Variants in OR6Y1 observed in about 807,000 individuals in gnomAD.
OR6Y1 encodes the protein olfactory receptor 6Y1.
OR6Y1 carries 1 observed loss-of-function variant against 0.4 expected under a neutral mutation model. The ratio of observed to expected loss-of-function variants is 2.74; its 90% CI spans 0.97 to 13.02. The LOEUF (loss-of-function observed/expected upper bound fraction) is 13.02. OR6Y1 is among the 30% of genes most tolerant of loss of function. The probability of loss-of-function intolerance (pLI) is 0.12; values close to 1 mark genes in which losing one functional copy is unlikely to be tolerated. For synonymous variants in OR6Y1, 173 were observed against 141.1 expected, an observed-to-expected ratio of 1.23 and a Z score of -1.60; for missense variants, 480 against 399.8, an observed-to-expected ratio of 1.20 and a Z score of -1.71.
At chr1:158,550,770 G>A (rs1310805536) in intron 1 of OR6Y1, among the ~76,000 whole-genome samples, 1 of 151,752 alleles carries the variant, frequency 6.6e-6, no homozygotes, top group Non-Finnish European at 1.5e-5. Flanking sequence ...GGCTTGTGAG[G>A]AAGAGAGCAA....
In OR6Y1 at chr1:158,546,133, A is replaced by T. The variant is rs898907619; in HGVS notation, c.*995T>A. ...TTTCCTCTGTGTGTGTCTGTGTCCA[A>T]ATTTTTCCTTTTTATAATGACACCA... On this transcript the variant is annotated 3_prime_UTR_variant, in exon 2 of 2. Coordinates refer to ENST00000641622, the MANE Select transcript of OR6Y1 (RefSeq NM_001005189.2). The T allele has an allele frequency of 6.6e-6, 1 of 151,990 alleles. No homozygotes were observed. The highest frequency in any genetic ancestry group is 1.5e-5 in the Non-Finnish European group (1 of 68,046). 9.4% of individuals were successfully genotyped at this position (151,990 alleles called of 1,614,324 possible).
In OR6Y1 at chr1:158,547,675, T is replaced by A. The variant is rs1647585334; in HGVS notation, c.431A>T (p.Gln144Leu). ...PLRYPVIMTN[Q>L]LCGTLAGGCW... ...TCCTCCAGCCAGTGTGCCACAGAGC[T>A]GGTTGGTCATGATGACTGGGTAGCG... is the stretch of plus-strand genomic sequence containing the variant. The change falls in exon 2 of 2, where the codon CAG (glutamine) becomes CTG (leucine). Residue 144 changes from glutamine (Q) to leucine (L), a missense_variant. Transcript: ENST00000641622. 2 of 1,613,356 alleles carry A rather than the reference T, an allele frequency of 1.2e-6. No homozygotes were observed. The highest frequency in any genetic ancestry group is 1.7e-6 in the Non-Finnish European group (2 of 1,180,014).
chr1:158,547,958 TAAG>T lies in OR6Y1; in HGVS notation c.145_147del (p.Leu49del). The T allele has an allele frequency of 6.2e-7, 1 of 1,613,386 alleles. No homozygotes were observed. Among genetic ancestry groups the T allele is most frequent in the Admixed American group, 1.7e-5 (1 of 59,950 alleles). On this transcript the variant is annotated inframe_deletion, in exon 2 of 2. Transcript: ENST00000641622. ...CCATCACTGTGGATAGCTAAGATGA[TAAG>T]AAGATTCTCCAGCAGTGTCAGCAGA...
intron 1 of OR6Y1, among the ~76,000 whole-genome samples, chr1:158,549,829 A>T (rs889929574): frequency 1.8e-5 from 2 of 111,872 alleles, no homozygotes; most frequent in African/African-American, 3.7e-5. Context: ...ATCCTGATTT[A>T]AAAAAATATC....
rs1258240971 is a variant in OR6Y1, at chr1:158,546,371, G to C, written c.*757C>G. On this transcript the variant is annotated 3_prime_UTR_variant, in exon 2 of 2. Coordinates refer to ENST00000641622, the MANE Select transcript of OR6Y1 (RefSeq NM_001005189.2). The stretch of plus-strand genomic sequence containing the variant: ...TACTTAACTTGTTTTTCCATTGAGA[G>C]TTTAATTTTTATAAGTTTATTTTAA... 6.6e-6 allele frequency: 1 copy of C among 151,988 alleles called. No homozygotes were observed. Among genetic ancestry groups the C allele is most frequent in the Non-Finnish European group, 1.5e-5 (1 of 67,982 alleles). 9.4% of individuals were successfully genotyped at this position (151,988 alleles called of 1,614,324 possible).
rs1311762936 is a variant in OR6Y1, at chr1:158,548,284, T to A, written c.-179A>T. 1.7e-6 allele frequency: 1 copy of A among 593,902 alleles called. No individual in the cohort carries two copies. The highest frequency in any genetic ancestry group is 2.8e-5 in the East Asian group (1 of 35,186). The allele number at this position is 593,902 out of a possible 1,614,324, so 36.8% of individuals were successfully genotyped here. ...CAAAGCTTTTGAGAAAAGATGGAAT[T>A]TAGGGAGCTTATATTTTAACTTGTT... is the stretch of plus-strand genomic sequence containing the variant. On this transcript the variant is annotated 5_prime_UTR_variant, in exon 2 of 2. Transcript: ENST00000641622.
At position 158,548,102 on chromosome 1, in the gene OR6Y1, T is replaced by A. The variant is rs1647604843; in HGVS notation, c.4A>T (p.Thr2Ser). M[T>S]TIILEVDNHT... Reference sequence around the variant, plus strand: ...TTATCTACTTCCAGAATTATGGTGGTCATGACTGGCTGTGGGCACAGACAA... The same window carrying A: ...TTATCTACTTCCAGAATTATGGTGGACATGACTGGCTGTGGGCACAGACAA... The change falls in exon 2 of 2, where the codon ACC (threonine) becomes TCC (serine). Residue 2 changes from threonine (T) to serine (S), a missense_variant. Coordinates refer to ENST00000641622, the MANE Select transcript of OR6Y1 (RefSeq NM_001005189.2). 1.2e-6 allele frequency: 2 copies of A among 1,610,548 alleles called. No homozygotes were observed. The highest frequency in any genetic ancestry group is 2.2e-5 in the South Asian group (2 of 90,784).
Position 158,547,679 on chromosome 1 carries a change from T to A in OR6Y1, c.427A>T (p.Asn143Tyr). 1 of 1,613,542 alleles carries A rather than the reference T, an allele frequency of 6.2e-7. No homozygotes were observed. The highest frequency in any genetic ancestry group is 1.1e-5 in the South Asian group (1 of 91,080). ...CCAGCCAGTGTGCCACAGAGCTGGT[T>A]GGTCATGATGACTGGGTAGCGTAGT... ...NPLRYPVIMTNQLCGTLAGGC... is the reference protein window; with the variant it reads ...NPLRYPVIMTYQLCGTLAGGC... Residue 143 changes from asparagine (N) to tyrosine (Y), a missense_variant, in exon 2 of 2, where the codon AAC becomes TAC. Physicochemically the swap from Asn to Tyr is moderately radical, Grantham distance 143 (BLOSUM62 -2). Transcript: ENST00000641622.
Position 158,547,958 on chromosome 1 carries a change from T to C in OR6Y1, c.148A>G (p.Ile50Val). The C allele has an allele frequency of 6.2e-7, 1 of 1,613,386 alleles. No homozygotes were observed. Among genetic ancestry groups the C allele is most frequent in the Non-Finnish European group, 8.5e-7 (1 of 1,179,954 alleles). The stretch of plus-strand genomic sequence containing the variant: ...CCATCACTGTGGATAGCTAAGATGA[T>C]AAGAAGATTCTCCAGCAGTGTCAGC... ...YLLTLLENLL[I>V]ILAIHSDGQL... is the part of the protein sequence containing the mutation. The change falls in exon 2 of 2, where the codon ATC (isoleucine) becomes GTC (valine). Residue 50 changes from isoleucine (I) to valine (V), a missense_variant. Physicochemically the swap from Ile to Val is conservative, Grantham distance 29. Transcript: ENST00000641622.
rs189608824 is a variant in OR6Y1, at chr1:158,549,714, C to T, written c.-1432-177G>A. On this transcript the variant is annotated intron_variant, in intron 1 of 1. Coordinates refer to ENST00000641622, the MANE Select transcript of OR6Y1 (RefSeq NM_001005189.2). ...CAAACACAAACACACACACAGTCAACACAAAACTTGTCCTTGCTCATTGCA... is the reference window on the plus strand; with the variant it reads ...CAAACACAAACACACACACAGTCAATACAAAACTTGTCCTTGCTCATTGCA... Among the ~76,000 whole-genome samples, 163 of 151,854 alleles carry T rather than the reference C, an allele frequency of 1.1e-3. 2 individuals are homozygous for T. The highest frequency in any genetic ancestry group is 3.8e-3 in the African/African-American group (157 of 41,172).
At position 158,547,310 on chromosome 1, in the gene OR6Y1, G is replaced by A. The variant is rs369288089; in HGVS notation, c.796C>T (p.Arg266Cys). 127 of 1,613,450 alleles carry A rather than the reference G, an allele frequency of 7.9e-5. No individual in the cohort carries two copies. The highest frequency in any genetic ancestry group is 9.2e-5 in the Non-Finnish European group (109 of 1,179,916). Residue 266 changes from arginine (R) to cysteine (C), a missense_variant, in exon 2 of 2, where the codon CGT becomes TGT. Physicochemically the swap from Arg to Cys is radical, Grantham distance 180 (BLOSUM62 -3). Transcript: ENST00000641622. ...TTGTAGGCATACATGAGTTTGGGACGGGCATAGGTGAAAAGTGTCATGGAA... is the reference window on the plus strand; with the variant it reads ...TTGTAGGCATACATGAGTTTGGGACAGGCATAGGTGAAAAGTGTCATGGAA... ...FYSMTLFTYARPKLMYAYNSN... is the reference protein window; with the variant it reads ...FYSMTLFTYACPKLMYAYNSN...
Position 158,547,298 on chromosome 1 carries a change from T to A in OR6Y1, c.808A>T (p.Met270Leu), listed in dbSNP as rs773477939. Residue 270 changes from methionine (M) to leucine (L), a missense_variant, in exon 2 of 2, where the codon ATG becomes TTG. Coordinates refer to ENST00000641622, the MANE Select transcript of OR6Y1 (RefSeq NM_001005189.2). ...TLFTYARPKL[M>L]YAYNSNKVVS... Reference sequence around the variant, plus strand: ...ACTTTGTTGGAATTGTAGGCATACATGAGTTTGGGACGGGCATAGGTGAAA... The same window carrying A: ...ACTTTGTTGGAATTGTAGGCATACAAGAGTTTGGGACGGGCATAGGTGAAA... The A allele has an allele frequency of 6.2e-7, 1 of 1,613,478 alleles. No individual in the cohort carries two copies. The highest frequency in any genetic ancestry group is 1.1e-5 in the South Asian group (1 of 91,074).
rs1212150309 is a variant in OR6Y1, at chr1:158,549,491, C to T, written c.-1386G>A. On this transcript the variant is annotated 5_prime_UTR_variant, in exon 2 of 2. Transcript: ENST00000641622. ...GGTTGCAGAGCCAGAAAACTACTGC[C>T]CATACTATCCATTTCCTCTTCCCAC... 6.6e-6 allele frequency: 1 copy of T among 151,112 alleles called. No homozygotes were observed. Among genetic ancestry groups the T allele is most frequent in the Non-Finnish European group, 1.5e-5 (1 of 67,962 alleles). The allele number at this position is 151,112 out of a possible 1,614,324, so 9.4% of individuals were successfully genotyped here.
rs867878597 is a variant in OR6Y1 at position 158,547,238 on chromosome 1, G to A, written c.868C>T (p.Leu290Phe). 6.2e-7 allele frequency: 1 copy of A among 1,613,692 alleles called. No individual in the cohort carries two copies. Among genetic ancestry groups the A allele is most frequent in the Non-Finnish European group, 8.5e-7 (1 of 1,179,984 alleles). Residue 290 changes from leucine (L) to phenylalanine (F), a missense_variant, in exon 2 of 2, where the codon CTC (leucine) becomes TTC (phenylalanine). Physicochemically the swap from Leu to Phe is conservative, Grantham distance 22. Transcript: ENST00000641622. ...SVLYTVIVPLLNPIIYCLRNH... is the reference protein window; with the variant it reads ...SVLYTVIVPLFNPIIYCLRNH... ...CTCAGACAGTAAATGATGGGGTTGA[G>A]GAGTGGAACAATGACAGTGTAGAGA...
Position 158,547,818 on chromosome 1 carries a change from A to G in OR6Y1, c.288T>C (p.Ser96=), listed in dbSNP as rs1395413328. ...MLVDFLSHDK[S]ISFNGCMTQL... is the part of the protein sequence containing the mutation. Reference sequence around the variant, plus strand: ...GAGTCATGCAGCCATTGAAGGAAATACTCTTGTCATGACTGAGGAAGTCAA... The same window carrying G: ...GAGTCATGCAGCCATTGAAGGAAATGCTCTTGTCATGACTGAGGAAGTCAA... Residue 96 remains serine (S), a synonymous_variant, in exon 2 of 2, where the codon AGT becomes AGC. Transcript: ENST00000641622. 1 of 1,613,228 alleles carries G rather than the reference A, an allele frequency of 6.2e-7. No homozygotes were observed. The highest frequency in any genetic ancestry group is 8.5e-7 in the Non-Finnish European group (1 of 1,179,962).
Position 158,548,371 on chromosome 1 carries a change from C to A in OR6Y1, c.-266G>T, listed in dbSNP as rs1647612034. 5.6e-6 allele frequency: 2 copies of A among 357,860 alleles called. No individual in the cohort carries two copies. Among genetic ancestry groups the A allele is most frequent in the South Asian group, 4.6e-5 (1 of 21,600 alleles). 22.2% of individuals were successfully genotyped at this position (357,860 alleles called of 1,614,324 possible). A position where few individuals can be genotyped will look rare whatever the true frequency, so the allele number is the denominator to read the frequency against. ...CATACAAAATAGAGTTTATAACTTT[C>A]TAAATCCCAGTTCTGTGCTTTACCA... is the stretch of plus-strand genomic sequence containing the variant. On this transcript the variant is annotated 5_prime_UTR_variant, in exon 2 of 2. Coordinates refer to ENST00000641622, the MANE Select transcript of OR6Y1 (RefSeq NM_001005189.2).
chr1:158,547,371 G>A lies in OR6Y1; in HGVS notation c.735C>T (p.Thr245=). Residue 245 remains threonine (T), a synonymous_variant, in exon 2 of 2, where the codon ACC becomes ACT. Transcript: ENST00000641622. Reference sequence around the variant, plus strand: ...TTACGACGGTCAGGTGGGAGGCACAGGTGGAGAATGCCTTTTGGCGGCCCT... The same window carrying A: ...TTACGACGGTCAGGTGGGAGGCACAAGTGGAGAATGCCTTTTGGCGGCCCT... ...SAQGRQKAFS[T]CASHLTVVIL... 6.2e-7 allele frequency: 1 copy of A among 1,613,650 alleles called. No individual in the cohort carries two copies. Among genetic ancestry groups the A allele is most frequent in the Non-Finnish European group, 8.5e-7 (1 of 1,180,000 alleles).
intron 1 of OR6Y1, among the ~76,000 whole-genome samples, chr1:158,553,317 A>G (rs1489806523): frequency 6.6e-6 from 1 of 152,060 alleles, no homozygotes; most frequent in Non-Finnish European, 1.5e-5. Context: ...TGGCACTATC[A>G]CTAGAAGTGA....
chr1:158,552,022 A>G (rs979394232), intron 1 of OR6Y1, among the ~76,000 whole-genome samples: 1 of 152,052 alleles, frequency 6.6e-6, no homozygotes, highest in Non-Finnish European at 1.5e-5. Flanking sequence ...CTCTTCTGAA[A>G]CCCAATGCAC....
Sources: gnomAD v4.1 joint callset for allele counts (sites outside exome capture counted in the v4.1 genomes callset) on GRCh38, gnomAD v4.1.1 for gene constraint, MANE v1.5 for transcripts, NCBI Gene and HGNC (gene_info 2026-07-23, HGNC 2026-07-21) for gene names.